LRP5: variants seen among roughly 807,000 people sequenced by gnomAD.
The protein encoded by LRP5 is low-density lipoprotein receptor-related protein 5.
LRP5 carries 62 observed loss-of-function variants against 154.1 expected under a neutral mutation model. That is an observed-to-expected ratio of 0.40 (90% CI 0.33 to 0.50). The LOEUF (loss-of-function observed/expected upper bound fraction) is 0.50, where lower values mean the gene tolerates loss of function less well. Among genes scored for constraint, LRP5 ranks in the 20% least tolerant of loss-of-function variants. The pLI is 0.55. For synonymous variants in LRP5, 966 were observed against 1,011.5 expected, an observed-to-expected ratio of 0.96 and a Z score of 0.85; for missense variants, 1,915 against 2,336.7, an observed-to-expected ratio of 0.82 and a Z score of 3.72.
At chr11:68,426,654 C>T (rs890538014) in intron 16 of LRP5, among the ~76,000 whole-genome samples, 1 of 152,110 alleles carries the variant, frequency 6.6e-6, no homozygotes, top group Non-Finnish European at 1.5e-5. Context: ...AACTCCTGGG[C>T]ACAAGCTATC....
At chr11:68,428,100 C>G (rs908689180) in intron 16 of LRP5, among the ~76,000 whole-genome samples, 4 of 151,856 alleles carry the variant, frequency 2.6e-5, no homozygotes, top group African/African-American at 9.7e-5. Flanking sequence ...TCAAGTGATT[C>G]TCCTACCTCA....
At chr11:68,345,634 G>T (rs1431628830) in intron 1 of LRP5, among the ~76,000 whole-genome samples, 1 of 152,186 alleles carries the variant, frequency 6.6e-6, no homozygotes, top group Non-Finnish European at 1.5e-5. Flanking sequence ...GATCCAAGGT[G>T]TATGCATATC....
chr11:68,413,228 GC>G lies in LRP5; in HGVS notation c.2504-460del, dbSNP rs143232882. 699 of 273,618 alleles carry G rather than the reference GC, an allele frequency of 2.6e-3. 14 individuals carry two copies. In the East Asian group the frequency reaches 0.038, roughly 15 times the overall value. 16.9% of individuals were successfully genotyped at this position (273,618 alleles called of 1,614,324 possible). On this transcript the variant is annotated intron_variant, in intron 11 of 22. Transcript: ENST00000294304. This position sits in a 1 kb window ranked among gnomAD's most constrained non-coding sequence, Gnocchi z 5.1. Reference sequence around the variant, plus strand: ...TGAGGACAGACTCAGATGAAAACCAGCAAAAGCCCTGGAAACTCATGTGACC... The same window carrying G: ...TGAGGACAGACTCAGATGAAAACCAGAAAAGCCCTGGAAACTCATGTGACC...
intron 11 of LRP5, among the ~76,000 whole-genome samples, chr11:68,412,341 G>A (rs2098660072): frequency 6.6e-6 from 1 of 152,144 alleles, no homozygotes; most frequent in African/African-American, 2.4e-5. Context: ...TAGAAGGTCA[G>A]GGGCAGAAGC....
At chr11:68,424,410 T>C (rs1456273386) in intron 14 of LRP5, among the ~76,000 whole-genome samples, 2 of 151,872 alleles carry the variant, frequency 1.3e-5, no homozygotes, top group Non-Finnish European at 2.9e-5. Flanking sequence ...AGTTTCCTCA[T>C]TGGTAGGAGT....
rs1270727314 is a variant in LRP5 at position 68,386,853 on chromosome 11, G to GC, written c.1412+145dup. 4 of 1,025,794 alleles carry GC rather than the reference G, an allele frequency of 3.9e-6. No homozygotes were observed. Among genetic ancestry groups the GC allele is most frequent in the Non-Finnish European group, 2.8e-6 (2 of 723,038 alleles). 63.5% of individuals were successfully genotyped at this position (1,025,794 alleles called of 1,614,324 possible). A position where few individuals can be genotyped will look rare whatever the true frequency, so the allele number is the denominator to read the frequency against. ...GGCTTGTTAAAACACCGGCAGCTGG[G>GC]CCCCACCCCCAGAGCGGTGATTCAG... On this transcript the variant is annotated intron_variant, in intron 6 of 22. Coordinates refer to ENST00000294304, the MANE Select transcript of LRP5 (RefSeq NM_002335.4). This position sits in a 1 kb window ranked among gnomAD's most constrained non-coding sequence, Gnocchi z 7.9.
chr11:68,435,492 G>GAGAGAGAT (rs2098674377), intron 18 of LRP5, among the ~76,000 whole-genome samples: 2 of 151,948 alleles, frequency 1.3e-5, no homozygotes, highest in African/African-American at 4.8e-5. Context: ...CGGAGAGAGA[G>GAGAGAGAT]AGAGAGCGCC....
intron 5 of LRP5, among the ~76,000 whole-genome samples, chr11:68,366,531 G>A (rs144222956): frequency 6.6e-6 from 1 of 152,214 alleles, no homozygotes; most frequent in Non-Finnish European, 1.5e-5. Context: ...TTTGTGTGCA[G>A]CGGCTGGGGT....
intron 21 of LRP5, chr11:68,445,669 C>G (rs1324019967): frequency 1.5e-6 from 2 of 1,318,846 alleles, no homozygotes; most frequent in South Asian, 2.5e-5. Flanking sequence ...GGGGTGCCGT[C>G]AGTGGCACTT....
Position 68,416,475 on chromosome 11 carries a change from A to T in LRP5, c.2975A>T (p.Tyr992Phe). ...IDYDPLDKFI[Y>F]WVDGRQNIKR... ...TATGACCCACTGGACAAGTTCATCT[A>T]CTGGGTGGATGGGCGCCAGAACATC... The change falls in exon 13 of 23, where the codon TAC becomes TTC. Residue 992 changes from tyrosine (Y) to phenylalanine (F), a missense_variant. By Grantham distance (22) the Tyr-to-Phe change is conservative. Coordinates refer to ENST00000294304, the MANE Select transcript of LRP5 (RefSeq NM_002335.4). 1 of 1,614,028 alleles carries T rather than the reference A, an allele frequency of 6.2e-7. No homozygotes were observed. The highest frequency in any genetic ancestry group is 1.7e-5 in the Admixed American group (1 of 59,900).
chr11:68,407,669 C>T (rs776914566), intron 9 of LRP5, among the ~76,000 whole-genome samples: 3 of 127,146 alleles, frequency 2.4e-5, no homozygotes, highest in Middle Eastern at 4.1e-3. Flanking sequence ...GGAGAAACCC[C>T]GTCTCTACTA....
intron 5 of LRP5, among the ~76,000 whole-genome samples, chr11:68,384,718 C>A (rs2098642045): frequency 6.6e-6 from 1 of 151,430 alleles, no homozygotes; most frequent in African/African-American, 2.4e-5. Flanking sequence ...AGCCTCGGGC[C>A]CTGGGGGTCA....
rs750533610 is a variant in LRP5 at position 68,423,555 on chromosome 11, G to A, written c.3094G>A (p.Asp1032Asn). The change falls in exon 14 of 23, where the codon GAC becomes AAC. Residue 1032 changes from aspartate (D) to asparagine (N), a missense_variant. By Grantham distance (23) the Asp-to-Asn change is conservative (BLOSUM62 1). Coordinates refer to ENST00000294304, the MANE Select transcript of LRP5 (RefSeq NM_002335.4). This position sits in a 1 kb window ranked among gnomAD's most constrained non-coding sequence, Gnocchi z 4.7. ...PDRQPHDLSI[D>N]IYSRTLFWTC... Reference sequence around the variant, plus strand: ...CAGGCAGCCCCACGACCTCAGCATCGACATCTACAGCCGGACACTGTTCTG... The same window carrying A: ...CAGGCAGCCCCACGACCTCAGCATCAACATCTACAGCCGGACACTGTTCTG... The A allele has an allele frequency of 1.6e-5, 26 of 1,614,066 alleles. No individual in the cohort carries two copies. The highest frequency in any genetic ancestry group is 2.7e-5 in the African/African-American group (2 of 74,918).
chr11:68,427,032 C>T (rs564027399), intron 16 of LRP5, among the ~76,000 whole-genome samples: 9 of 152,312 alleles, frequency 5.9e-5, no homozygotes, highest in Admixed American at 5.9e-4. Flanking sequence ...CCTCCCACAC[C>T]TTGAGTCTCT....
At chr11:68,436,099 T>A (rs1190495988) in intron 18 of LRP5, among the ~76,000 whole-genome samples, 1 of 152,172 alleles carries the variant, frequency 6.6e-6, no homozygotes, top group African/African-American at 2.4e-5. Context: ...CGCTCTAGCT[T>A]CTCCTCCCGT....
At position 68,386,457 on chromosome 11, in the gene LRP5, A is replaced by T; in HGVS notation, c.1157A>T (p.Tyr386Phe). 6.2e-7 allele frequency: 1 copy of T among 1,614,054 alleles called. No individual in the cohort carries two copies. Among genetic ancestry groups the T allele is most frequent in the South Asian group, 1.1e-5 (1 of 91,076 alleles). The change falls in exon 6 of 23, where the codon TAT becomes TTT. Residue 386 changes from tyrosine (Y) to phenylalanine (F), a missense_variant. This residue lies in a region of LRP5 where 773 missense variants were observed against 1,100.9 expected (regional missense o/e 0.70). Transcript: ENST00000294304. This position sits in a 1 kb window ranked among gnomAD's most constrained non-coding sequence, Gnocchi z 7.9. Reference sequence around the variant, plus strand: ...ATCGACTACGACCCGCTAGAGGGCTATGTCTACTGGACAGATGACGAGGTG... The same window carrying T: ...ATCGACTACGACCCGCTAGAGGGCTTTGTCTACTGGACAGATGACGAGGTG... ...IAIDYDPLEG[Y>F]VYWTDDEVRA...
intron 4 of LRP5, among the ~76,000 whole-genome samples, chr11:68,364,267 A>G (rs1200728412): frequency 6.6e-6 from 1 of 151,632 alleles, no homozygotes; most frequent in Non-Finnish European, 1.5e-5. Context: ...AAGGCCCAGA[A>G]GAAGTTGTCT....
chr11:68,316,982 AG>A (rs1328684373), intron 1 of LRP5, among the ~76,000 whole-genome samples: 4 of 152,174 alleles, frequency 2.6e-5, no homozygotes, highest in African/African-American at 9.7e-5. Context: ...CCCTGGCGGG[AG>A]CCGGGGCTAC....
rs749492623 is a variant in LRP5, at chr11:68,449,098, G to A, written c.*28G>A. The A allele has an allele frequency of 3.6e-5, 54 of 1,505,624 alleles. No homozygotes were observed. In the Admixed American group the frequency reaches 1.2e-3, roughly 33 times the overall value. The allele number at this position is 1,505,624 out of a possible 1,614,324, so 93.3% of individuals were successfully genotyped here. ...TCGGCCGGGCCACTCTGGCTTCTCT[G>A]TGCCCCTGTAAATAGTTTTAAATAT... On this transcript the variant is annotated 3_prime_UTR_variant, in exon 23 of 23. Coordinates refer to ENST00000294304, the MANE Select transcript of LRP5 (RefSeq NM_002335.4).
Sources: allele counts gnomAD v4.1 joint callset (sites outside exome capture counted in the v4.1 genomes callset), GRCh38; gene constraint gnomAD v4.1.1; regional missense constraint gnomAD v4.1.1; non-coding constraint Gnocchi (gnomAD v3.1); transcripts MANE v1.5; gene names NCBI Gene and HGNC (gene_info 2026-07-23, HGNC 2026-07-21).